Variants in CDK5RAP2 observed in about 807,000 individuals in gnomAD.
CDK5RAP2 encodes the protein CDK5 regulatory subunit associated protein 2, also known as CDK5 regulatory subunit-associated protein 2.
A neutral mutation model predicts 232.9 loss-of-function variants in CDK5RAP2; 147 were observed. The observed-to-expected ratio is 0.63, with a 90% CI of 0.55 to 0.72. The LOEUF (loss-of-function observed/expected upper bound fraction) is 0.72. Ranked by LOEUF, CDK5RAP2 falls within the 30% of genes least tolerant of loss-of-function variation. The pLI is 0.00. For missense variants in CDK5RAP2, 2,195 were observed against 2,231.5 expected (o/e 0.98, Z 0.33); for synonymous variants, 833 against 833.7 (o/e 1.00, Z 0.01).
At chr9:120,553,123 A>T (rs2042106001) in intron 3 of CDK5RAP2, among the ~76,000 whole-genome samples, 1 of 152,222 alleles carries the variant, frequency 6.6e-6, no homozygotes, top group South Asian at 2.1e-4. Context: ...CAATATCTCA[A>T]TTCTTAAAGT....
intron 12 of CDK5RAP2, 85 bp downstream of exon 12, chr9:120,518,342 T>C (rs761285112): frequency 2.8e-6 from 3 of 1,067,998 alleles, no homozygotes; most frequent in Non-Finnish European, 4.4e-6. Flanking sequence ...AAGTCTTCTG[T>C]ACTGAATATC....
chr9:120,471,475 G>C (rs1310632700), intron 16 of CDK5RAP2, among the ~76,000 whole-genome samples: 1 of 152,208 alleles, frequency 6.6e-6, no homozygotes, highest in Non-Finnish European at 1.5e-5. Flanking sequence ...CAAGTGCCCA[G>C]GGATATTTGG....
At chr9:120,510,875 A>C (rs2040048845) in intron 12 of CDK5RAP2, among the ~76,000 whole-genome samples, 1 of 152,230 alleles carries the variant, frequency 6.6e-6, no homozygotes, top group Non-Finnish European at 1.5e-5. Flanking sequence ...TTCACTGTAA[A>C]TAAGACTACC....
intron 11 of CDK5RAP2, among the ~76,000 whole-genome samples, chr9:120,520,932 T>C (rs2040619809): frequency 6.6e-6 from 1 of 152,012 alleles, no homozygotes. Flanking sequence ...CTGTATCTCA[T>C]ATATCATATA....
intron 3 of CDK5RAP2, among the ~76,000 whole-genome samples, chr9:120,563,646 A>C (rs921944745): frequency 2.0e-5 from 3 of 152,218 alleles, no homozygotes; most frequent in Non-Finnish European, 4.4e-5. Flanking sequence ...GCCACAGATC[A>C]GTAAGTGGCA....
At position 120,453,767 on chromosome 9, in the gene CDK5RAP2, T is replaced by C. The variant is rs549081765; in HGVS notation, c.2482A>G (p.Lys828Glu). Reference sequence around the variant, plus strand: ...AAATGTACAAGTTCACCTTTTTGCTTAGGTGTCTTCTCAGTTTTACCATCA... The same window carrying C: ...AAATGTACAAGTTCACCTTTTTGCTCAGGTGTCTTCTCAGTTTTACCATCA... ...HLDGKTEKTPKQKGELVHFVQ... is the reference protein window; with the variant it reads ...HLDGKTEKTPEQKGELVHFVQ... The change falls in exon 21 of 38, where the codon AAG (lysine) becomes GAG (glutamate). Residue 828 changes from lysine (K) to glutamate (E), a missense_variant. Coordinates refer to ENST00000349780, the MANE Select transcript of CDK5RAP2 (RefSeq NM_018249.6). 9.3e-5 allele frequency: 150 copies of C among 1,614,228 alleles called. No homozygotes were observed. The Middle Eastern group carries it at 1.5e-3, about 16-fold the overall frequency.
intron 23 of CDK5RAP2, among the ~76,000 whole-genome samples, chr9:120,442,139 A>G (rs1395094733): frequency 6.6e-6 from 1 of 152,212 alleles, no homozygotes; most frequent in Non-Finnish European, 1.5e-5. Flanking sequence ...ATGAGGCATC[A>G]CTAGTACCCC....
chr9:120,453,924 C>T, intron 20 of CDK5RAP2, 51 bp from the exon 21 acceptor site: 1 of 1,568,542 alleles, frequency 6.4e-7, no homozygotes, highest in Non-Finnish European at 8.8e-7. Flanking sequence ...TCTGCTAGGC[C>T]TTGTCCCCTA....
intron 31 of CDK5RAP2, chr9:120,407,888 A>T: frequency 3.8e-6 from 1 of 263,768 alleles, no homozygotes; most frequent in Non-Finnish European, 7.5e-6. Context: ...TTGCTGAATG[A>T]GTGGGCAAAA....
At chr9:120,478,879 G>A (rs1190460527) in intron 14 of CDK5RAP2, among the ~76,000 whole-genome samples, 4 of 152,210 alleles carry the variant, frequency 2.6e-5, no homozygotes, top group Non-Finnish European at 4.4e-5. Flanking sequence ...GTAACAATGT[G>A]AGATGATCGA....
At chr9:120,419,732 G>A in intron 27 of CDK5RAP2, 56 bp downstream of exon 27, 2 of 1,364,270 alleles carry the variant, frequency 1.5e-6, no homozygotes, top group Non-Finnish European at 1.0e-6. Context: ...GGTTAAGATG[G>A]CAAATTATTG....
At chr9:120,518,388 G>C in intron 12 of CDK5RAP2, 39 bp downstream of exon 12, 1 of 1,553,482 alleles carries the variant, frequency 6.4e-7, no homozygotes, top group Non-Finnish European at 8.9e-7. Flanking sequence ...AGCCCCAAAA[G>C]CACTGTCCAC....
Position 120,539,160 on chromosome 9 carries a change from C to T in CDK5RAP2, c.388G>A (p.Ala130Thr). ...REQLLIKASK[A>T]VESLAEAGGS... ...CCTGCTTCAGCTAAGCTCTCAACTG[C>T]TTTGCTGCAAAAAGAGGCACAGGGG... Residue 130 changes from alanine (A) to threonine (T), a missense_variant, in exon 6 of 38, where the codon GCA becomes ACA. By Grantham distance (58) the Ala-to-Thr change is moderately conservative (BLOSUM62 0). Transcript: ENST00000349780. 6.2e-7 allele frequency: 1 copy of T among 1,613,898 alleles called. No individual in the cohort carries two copies. The highest frequency in any genetic ancestry group is 8.5e-7 in the Non-Finnish European group (1 of 1,179,822).
chr9:120,510,151 C>A (rs1332671693), intron 12 of CDK5RAP2, among the ~76,000 whole-genome samples: 2 of 152,168 alleles, frequency 1.3e-5, no homozygotes, highest in Admixed American at 1.3e-4. Context: ...TTGGAGATAT[C>A]CATCAATGAG....
chr9:120,393,649 G>A (rs1249096907), intron 36 of CDK5RAP2, among the ~76,000 whole-genome samples: 2 of 152,214 alleles, frequency 1.3e-5, no homozygotes, highest in Non-Finnish European at 2.9e-5. Context: ...GCTACCGCCT[G>A]CTCCTCTAAA....
intron 24 of CDK5RAP2, among the ~76,000 whole-genome samples, chr9:120,438,203 G>A (rs2035696826): frequency 6.6e-6 from 1 of 152,084 alleles, no homozygotes; most frequent in Non-Finnish European, 1.5e-5. Context: ...CTTTTCCTAC[G>A]TGAGCCCATA....
intron 14 of CDK5RAP2, among the ~76,000 whole-genome samples, chr9:120,485,478 A>G (rs2038550311): frequency 6.6e-6 from 1 of 152,118 alleles, no homozygotes; most frequent in African/African-American, 2.4e-5. Flanking sequence ...TATTTTTAGT[A>G]GAGACGGGGT....
intron 20 of CDK5RAP2, among the ~76,000 whole-genome samples, chr9:120,457,483 C>T (rs912977345): frequency 6.6e-6 from 1 of 152,208 alleles, no homozygotes; most frequent in African/African-American, 2.4e-5. Flanking sequence ...TGATAATAAG[C>T]CAGAATTGCC....
rs140244643 is a variant in CDK5RAP2, at chr9:120,527,806, C to T, written c.999G>A (p.Lys333=). The change falls in exon 10 of 38, where the codon AAG becomes AAA. Residue 333 remains lysine (K), a splice_region_variant and synonymous_variant. Transcript: ENST00000349780. ...LTMALKSKEK[K]VEELNSEIEK... is the part of the protein sequence containing the mutation. Reference sequence around the variant, plus strand: ...CTTACTTCAAGTGTATCAGACATACCTTTTTTTCCTTTGATTTTAATGCCA... The same window carrying T: ...CTTACTTCAAGTGTATCAGACATACTTTTTTTTCCTTTGATTTTAATGCCA... 49 of 1,613,048 alleles carry T rather than the reference C, an allele frequency of 3.0e-5. No homozygotes were observed. In the African/African-American group the frequency reaches 6.4e-4, roughly 21 times the overall value.
Sources: allele counts gnomAD v4.1 joint callset (sites outside exome capture counted in the v4.1 genomes callset), GRCh38; gene constraint gnomAD v4.1.1; transcripts MANE v1.5; gene names NCBI Gene and HGNC (gene_info 2026-07-23, HGNC 2026-07-21).